MRPS27: variants seen among roughly 807,000 people sequenced by gnomAD.
MRPS27 encodes small ribosomal subunit protein mS27.
A neutral mutation model predicts 48.9 loss-of-function variants in MRPS27; 43 were observed. The ratio of observed to expected loss-of-function variants is 0.88; its 90% CI spans 0.69 to 1.13. The LOEUF is 1.13. Ranked by LOEUF, MRPS27 falls within the 50% of genes most tolerant of loss-of-function variation. The pLI, the probability that MRPS27 is intolerant of heterozygous loss-of-function variation, is 0.00. For missense variants in MRPS27, 467 were observed against 476.3 expected (o/e 0.98, Z 0.18); for synonymous variants, 188 against 171.9 (o/e 1.09, Z -0.73).
intron 4 of MRPS27, among the ~76,000 whole-genome samples, chr5:72,261,485 TA>T (rs1401534956): frequency 6.6e-6 from 1 of 150,964 alleles, no homozygotes; most frequent in East Asian, 1.9e-4. Flanking sequence ...AACTGATTTT[TA>T]AAAAACCCCA....
At chr5:72,303,580 G>A (rs1428898026) in intron 2 of MRPS27, among the ~76,000 whole-genome samples, 1 of 151,768 alleles carries the variant, frequency 6.6e-6, no homozygotes, top group East Asian at 1.9e-4. Flanking sequence ...ATGAATGAGA[G>A]GATCTCAAAA....
intron 4 of MRPS27, among the ~76,000 whole-genome samples, chr5:72,277,704 G>A (rs1749414881): frequency 6.6e-6 from 1 of 152,146 alleles, no homozygotes; most frequent in African/African-American, 2.4e-5. Flanking sequence ...GCCCATCAAT[G>A]ATATATTGGA....
rs986001004 is a variant in MRPS27 at position 72,234,171 on chromosome 5, G to T, written c.423C>A (p.Asn141Lys). Residue 141 changes from asparagine (N) to lysine (K), a missense_variant, in exon 6 of 11, where the codon AAC becomes AAA. By Grantham distance (94) the Asn-to-Lys change is moderately conservative. Transcript: ENST00000261413. The part of the protein sequence containing the change: ...NKVQYGIFPD[N>K]FTFNLLMDSF... The stretch of plus-strand genomic sequence containing the variant: ...AATCCATCAGTAAATTGAATGTAAA[G>T]TTATCTGGAAAAATTCCATATTGAA... 5 of 1,507,854 alleles carry T rather than the reference G, an allele frequency of 3.3e-6. No individual in the cohort carries two copies. The highest frequency in any genetic ancestry group is 4.4e-6 in the Non-Finnish European group (5 of 1,132,654). The allele number at this position is 1,507,854 out of a possible 1,614,324, so 93.4% of individuals were successfully genotyped here.
In MRPS27 at chr5:72,219,427, T is replaced by A. The variant is rs1283194940; in HGVS notation, c.*1482A>T. ...ATCATTATTACAATAAATCCCATAG[T>A]TTAATGGGGGAGGGTTTAAAGTACA... On this transcript the variant is annotated 3_prime_UTR_variant, in exon 11 of 11. Transcript: ENST00000261413. 6.6e-6 allele frequency: 1 copy of A among 152,176 alleles called. No homozygotes were observed. The highest frequency in any genetic ancestry group is 1.5e-5 in the Non-Finnish European group (1 of 68,044). The allele number at this position is 152,176 out of a possible 1,614,324, so 9.4% of individuals were successfully genotyped here. A position where few individuals can be genotyped will look rare whatever the true frequency, so the allele number is the denominator to read the frequency against.
chr5:72,228,104 G>T, intron 8 of MRPS27, 162 bp downstream of exon 8: 1 of 642,226 alleles, frequency 1.6e-6, no homozygotes, highest in South Asian at 2.0e-5. Flanking sequence ...ACTCTCTTAT[G>T]GAGTAACTGT....
chr5:72,249,087 T>C (rs1748587110), intron 4 of MRPS27, among the ~76,000 whole-genome samples: 1 of 152,220 alleles, frequency 6.6e-6, no homozygotes, highest in African/African-American at 2.4e-5. Flanking sequence ...ATGCAGCCTT[T>C]AGTGAACAGA....
At chr5:72,228,066 G>T (rs570097435) in intron 8 of MRPS27, 200 bp downstream of exon 8, 26 of 570,624 alleles carry the variant, frequency 4.6e-5, no homozygotes, top group Admixed American at 1.0e-4. Context: ...TGCTTTGCCA[G>T]TGATGGCAGG....
At chr5:72,280,078 A>C (rs1243483772) in intron 4 of MRPS27, among the ~76,000 whole-genome samples, 1 of 152,124 alleles carries the variant, frequency 6.6e-6, no homozygotes, top group Admixed American at 6.5e-5. Flanking sequence ...CCACTAGTCT[A>C]TTTGTCTACA....
intron 4 of MRPS27, among the ~76,000 whole-genome samples, chr5:72,274,689 T>G (rs1165703868): frequency 1.3e-5 from 2 of 152,230 alleles, no homozygotes; most frequent in Non-Finnish European, 2.9e-5. Flanking sequence ...ACGTAATTGT[T>G]TGTGCTATGC....
intron 1 of MRPS27, among the ~76,000 whole-genome samples, chr5:72,318,610 C>T (rs1025326890): frequency 3.3e-5 from 5 of 152,114 alleles, no homozygotes; most frequent in African/African-American, 9.7e-5. Context: ...GCCTGACCAA[C>T]ATGGAGAAAC....
At position 72,295,564 on chromosome 5, in the gene MRPS27, T is replaced by G. The variant is rs1749955086; in HGVS notation, c.248A>C (p.Glu83Ala). The change falls in exon 4 of 11, where the codon GAA (glutamate) becomes GCA (alanine). Residue 83 changes from glutamate to alanine, a missense_variant. Coordinates refer to ENST00000261413, the MANE Select transcript of MRPS27 (RefSeq NM_015084.3). ...SRLIDNISSR[E>A]EIDHAEYYLY... is the part of the protein sequence containing the mutation. The stretch of plus-strand genomic sequence containing the variant: ...GTAATACTCTGCATGATCTATCTCT[T>G]CCCGAGAGGAAATGTTGTCTATAAG... 3.1e-6 allele frequency: 5 copies of G among 1,611,032 alleles called. No individual in the cohort carries two copies. The highest frequency in any genetic ancestry group is 4.2e-6 in the Non-Finnish European group (5 of 1,177,322).
intron 2 of MRPS27, among the ~76,000 whole-genome samples, chr5:72,308,570 T>TCC (rs1580118398): frequency 6.6e-6 from 1 of 152,188 alleles, no homozygotes; most frequent in African/African-American, 2.4e-5. Flanking sequence ...GGCGGCGGAT[T>TCC]CCCGCAGGGG....
intron 10 of MRPS27, chr5:72,222,675 G>A (rs892742972): frequency 2.0e-5 from 3 of 152,144 alleles, no homozygotes; most frequent in African/African-American, 7.2e-5. Context: ...ACAAGATTAA[G>A]CAAAGAGCCT....
At chr5:72,275,986 G>GA (rs1272131127) in intron 4 of MRPS27, among the ~76,000 whole-genome samples, 2 of 149,712 alleles carry the variant, frequency 1.3e-5, no homozygotes, top group South Asian at 2.2e-4. Context: ...TTTAACAAAG[G>GA]AAAAAAGGAA....
At chr5:72,225,064 T>G (rs1265583922) in intron 9 of MRPS27, among the ~76,000 whole-genome samples, 2 of 152,220 alleles carry the variant, frequency 1.3e-5, no homozygotes, top group African/African-American at 4.8e-5. Context: ...CAAATCTGGC[T>G]GAGATTGGAA....
intron 4 of MRPS27, among the ~76,000 whole-genome samples, chr5:72,278,286 C>CA (rs879349710): frequency 6.6e-6 from 1 of 151,448 alleles, no homozygotes; most frequent in Admixed American, 6.6e-5. Context: ...ACTAAAGATA[C>CA]AAAAAAATTA....
chr5:72,278,775 T>C (rs191737649), intron 4 of MRPS27, among the ~76,000 whole-genome samples: 1 of 152,364 alleles, frequency 6.6e-6, no homozygotes. Flanking sequence ...CACCCTGATA[T>C]ATATGTGTAT....
At chr5:72,288,078 G>T (rs1179967282) in intron 4 of MRPS27, among the ~76,000 whole-genome samples, 1 of 152,188 alleles carries the variant, frequency 6.6e-6, no homozygotes, top group Non-Finnish European at 1.5e-5. Context: ...TTCTGGGAAA[G>T]CTAGGTGGAA....
At position 72,278,397 on chromosome 5, in the gene MRPS27, C is replaced by T. The variant is rs550369278; in HGVS notation, c.281+17134G>A. Among the ~76,000 whole-genome samples the T allele has an allele frequency of 4.1e-5, 6 of 146,520 alleles. No individual in the cohort carries two copies. The South Asian group carries it at 1.1e-3, about 26-fold the overall frequency. ...GGCGGAGATTGCAGTGAGCCGAGAT[C>T]GCGCCACTGCACTCCAGCCTGGGTG... On this transcript the variant is annotated intron_variant, in intron 4 of 10. Transcript: ENST00000261413.
Sources: gnomAD v4.1 joint callset for allele counts (sites outside exome capture counted in the v4.1 genomes callset) on GRCh38, gnomAD v4.1.1 for gene constraint, MANE v1.5 for transcripts, NCBI Gene and HGNC (gene_info 2026-07-23, HGNC 2026-07-21) for gene names.